The following ITFG1 variants were observed in gnomAD, a reference collection of about 807,000 sequenced individuals.
ITFG1 encodes the protein T-cell immunomodulatory protein.
A neutral mutation model predicts 81.8 loss-of-function variants in ITFG1; 34 were observed. The ratio of observed to expected loss-of-function variants is 0.42; its 90% CI spans 0.32 to 0.55. ITFG1 has a LOEUF of 0.55. Ranked by LOEUF, ITFG1 falls within the 20% of genes least tolerant of loss-of-function variation. The probability of loss-of-function intolerance (pLI) is 0.17; values close to 1 mark genes in which losing one functional copy is unlikely to be tolerated. For synonymous variants in ITFG1, 285 were observed against 270.6 expected, an observed-to-expected ratio of 1.05 and a Z score of -0.52; for missense variants, 672 against 755.4, an observed-to-expected ratio of 0.89 and a Z score of 1.29.
At chr16:47,456,951 T>A (rs1969461684) in intron 2 of ITFG1, among the ~76,000 whole-genome samples, 1 of 152,070 alleles carries the variant, frequency 6.6e-6, no homozygotes. Context: ...TGATGGAATA[T>A]CTGCAAAGAA....
intron 13 of ITFG1, among the ~76,000 whole-genome samples, chr16:47,222,990 T>C (rs994437926): frequency 1.2e-4 from 18 of 151,872 alleles, no homozygotes; most frequent in Admixed American, 1.1e-3. Flanking sequence ...GGGGAAAGGA[T>C]TCCCTATTTA....
At chr16:47,336,729 C>T (rs541382467) in intron 8 of ITFG1, among the ~76,000 whole-genome samples, 5 of 151,806 alleles carry the variant, frequency 3.3e-5, no homozygotes, top group East Asian at 1.9e-4. Flanking sequence ...TTTGGGAGGC[C>T]GAGGAGGCGG....
At chr16:47,243,622 GGAATGATAT>G (rs1334649710) in intron 12 of ITFG1, among the ~76,000 whole-genome samples, 2 of 152,160 alleles carry the variant, frequency 1.3e-5, no homozygotes, top group Non-Finnish European at 2.9e-5. Context: ...ATAACATTAT[GGAATGATAT>G]GGAGGTATCA....
intron 6 of ITFG1, among the ~76,000 whole-genome samples, chr16:47,407,792 G>A (rs1968747898): frequency 6.6e-6 from 1 of 152,202 alleles, no homozygotes; most frequent in Non-Finnish European, 1.5e-5. Flanking sequence ...GGACATAAAA[G>A]TGGACATGGC....
intron 5 of ITFG1, among the ~76,000 whole-genome samples, chr16:47,435,064 A>C (rs1969148103): frequency 6.6e-6 from 1 of 152,144 alleles, no homozygotes; most frequent in Non-Finnish European, 1.5e-5. Context: ...TCAGGGAAGA[A>C]TAGGTAAGGG....
chr16:47,341,873 A>G (rs1340521618), intron 8 of ITFG1, among the ~76,000 whole-genome samples: 2 of 152,200 alleles, frequency 1.3e-5, no homozygotes, highest in Non-Finnish European at 2.9e-5. Context: ...TGACTCAAGA[A>G]GAAATTAACA....
chr16:47,377,718 C>T (rs1968345066), intron 6 of ITFG1, among the ~76,000 whole-genome samples: 1 of 152,140 alleles, frequency 6.6e-6, no homozygotes, highest in African/African-American at 2.4e-5. Flanking sequence ...CCTTTGCTAC[C>T]TCTGTCACGG....
chr16:47,460,362 G>A (rs1969514537), intron 1 of ITFG1, among the ~76,000 whole-genome samples: 1 of 152,210 alleles, frequency 6.6e-6, no homozygotes, highest in Non-Finnish European at 1.5e-5. Context: ...TAGGTAGGTG[G>A]GGAGGCAAGA....
chr16:47,187,730 AG>A (rs1427571861), intron 14 of ITFG1, among the ~76,000 whole-genome samples: 2 of 151,882 alleles, frequency 1.3e-5, no homozygotes, highest in African/African-American at 4.8e-5. Flanking sequence ...AAACACCAAA[AG>A]CAATGGCAAC....
intron 10 of ITFG1, among the ~76,000 whole-genome samples, chr16:47,274,792 A>G (rs1015688543): frequency 4.6e-5 from 7 of 152,194 alleles, no homozygotes; most frequent in Non-Finnish European, 1.5e-5. Flanking sequence ...ACGTAGAGAG[A>G]TGAACTACAG....
chr16:47,251,314 A>C (rs1039139869), intron 12 of ITFG1, among the ~76,000 whole-genome samples: 2 of 152,176 alleles, frequency 1.3e-5, no homozygotes, highest in African/African-American at 4.8e-5. Context: ...GAGAGCCCTC[A>C]AGCCACCACT....
At chr16:47,412,457 G>T (rs1227047164) in intron 6 of ITFG1, among the ~76,000 whole-genome samples, 1 of 152,098 alleles carries the variant, frequency 6.6e-6, no homozygotes, top group East Asian at 1.9e-4. Context: ...TGGGCACGGT[G>T]GCTCACTTGA....
intron 14 of ITFG1, among the ~76,000 whole-genome samples, chr16:47,178,558 C>A (rs996706333): frequency 2.2e-4 from 33 of 152,126 alleles, no homozygotes; most frequent in Admixed American, 1.9e-3. Context: ...TTCCTTACAC[C>A]TTATACAAAA....
intron 8 of ITFG1, among the ~76,000 whole-genome samples, chr16:47,353,905 T>C (rs895422647): frequency 1.3e-5 from 2 of 152,106 alleles, no homozygotes; most frequent in African/African-American, 4.8e-5. Context: ...AATGAAAAGA[T>C]ACCCTGTGTT....
intron 5 of ITFG1, among the ~76,000 whole-genome samples, chr16:47,445,837 T>G (rs1169370523): frequency 1.3e-5 from 2 of 152,170 alleles, no homozygotes; most frequent in Non-Finnish European, 2.9e-5. Flanking sequence ...GGAGGCCATA[T>G]GAAGGAGCAC....
intron 6 of ITFG1, among the ~76,000 whole-genome samples, chr16:47,403,761 TACAC>T (rs55978309): frequency 0.056 from 7,418 of 133,088 alleles, 201 homozygotes; most frequent in Middle Eastern, 0.063. Context: ...TCTCTCTTGG[TACAC>T]ACACACACAC....
chr16:47,241,291 C>A (rs575176529), intron 12 of ITFG1, among the ~76,000 whole-genome samples: 4 of 152,094 alleles, frequency 2.6e-5, no homozygotes, highest in Non-Finnish European at 4.4e-5. Flanking sequence ...AATTCATTTC[C>A]AGCTATATTC....
intron 14 of ITFG1, among the ~76,000 whole-genome samples, chr16:47,172,295 G>A (rs1175321273): frequency 1.3e-5 from 2 of 152,248 alleles, no homozygotes; most frequent in East Asian, 3.9e-4. Context: ...GACCAGCCAG[G>A]CCAACACGGC....
Position 47,460,998 on chromosome 16 carries a change from C to T in ITFG1, c.48G>A (p.Pro16=), listed in dbSNP as rs764921477. Residue 16 remains proline (P), a synonymous_variant, in exon 1 of 18, where the codon CCG becomes CCA. Transcript: ENST00000320640. ...RLPSSWALFS[P]LLAGLALLGV... Reference sequence around the variant, plus strand: ...CCAGTAGTGCAAGCCCTGCGAGGAGCGGCGAGAAGAGGGCCCAGGAGCTCG... The same window carrying T: ...CCAGTAGTGCAAGCCCTGCGAGGAGTGGCGAGAAGAGGGCCCAGGAGCTCG... The T allele has an allele frequency of 7.0e-6, 11 of 1,569,596 alleles. No individual in the cohort carries two copies. In the South Asian group the frequency reaches 1.0e-4, roughly 15 times the overall value.
Sources: gnomAD v4.1 joint callset for allele counts (sites outside exome capture counted in the v4.1 genomes callset) on GRCh38, gnomAD v4.1.1 for gene constraint, MANE v1.5 for transcripts, NCBI Gene and HGNC (gene_info 2026-07-23, HGNC 2026-07-21) for gene names.